SUPT3H: variants seen among roughly 807,000 people sequenced by gnomAD.
SUPT3H encodes transcription initiation protein SPT3 homolog.
SUPT3H carries 44 observed loss-of-function variants against 44.3 expected under a neutral mutation model. That is an observed-to-expected ratio of 0.99 (90% confidence interval 0.78 to 1.28). SUPT3H has a LOEUF of 1.28. Among genes scored for constraint, SUPT3H ranks in the 50% most tolerant of loss-of-function variants. The pLI is 0.00. For synonymous variants in SUPT3H, 124 were observed against 125.6 expected (o/e 0.99, Z 0.09); for missense variants, 380 against 387.1 (o/e 0.98, Z 0.15).
At chr6:44,993,562 T>C (rs16873019) in intron 6 of SUPT3H, among the ~76,000 whole-genome samples, 10,091 of 152,132 alleles carry the variant, frequency 0.066, 1,128 homozygotes, top group African/African-American at 0.23. Context: ...AATTTGATAG[T>C]ATAAAAAGTC....
chr6:45,085,353 G>A (rs958961694), intron 3 of SUPT3H, among the ~76,000 whole-genome samples: 4 of 152,014 alleles, frequency 2.6e-5, no homozygotes, highest in African/African-American at 9.7e-5. Flanking sequence ...CAACATAAAT[G>A]TGTGTGACAT....
intron 2 of SUPT3H, among the ~76,000 whole-genome samples, chr6:45,209,202 C>T (rs1331680783): frequency 1.3e-5 from 2 of 152,158 alleles, no homozygotes; most frequent in Non-Finnish European, 2.9e-5. Flanking sequence ...TTCATGCCTG[C>T]TAGCACAACA....
rs1768138498 is a variant in SUPT3H, at chr6:44,829,009, T to G, written c.*807A>C. ...GAAATTACCCAGCCCACATTTCCAG[T>G]CTAGGTGTGGTAGTGCTTTGAAGGG... On this transcript the variant is annotated 3_prime_UTR_variant, in exon 11 of 11. Coordinates refer to ENST00000371459, the MANE Select transcript of SUPT3H (RefSeq NM_003599.4). The G allele has an allele frequency of 6.6e-6, 1 of 152,522 alleles. No homozygotes were observed. The highest frequency in any genetic ancestry group is 1.5e-5 in the Non-Finnish European group (1 of 68,018). 9.4% of individuals were successfully genotyped at this position (152,522 alleles called of 1,614,324 possible). A position where few individuals can be genotyped will look rare whatever the true frequency, so the allele number is the denominator to read the frequency against.
chr6:45,031,350 T>C (rs748760478), intron 3 of SUPT3H, among the ~76,000 whole-genome samples: 3 of 152,210 alleles, frequency 2.0e-5, no homozygotes, highest in South Asian at 4.1e-4. Context: ...TTAATTATAA[T>C]ACATATTTGT....
intron 2 of SUPT3H, among the ~76,000 whole-genome samples, chr6:45,153,630 G>A (rs1357726557): frequency 6.6e-6 from 1 of 152,162 alleles, no homozygotes; most frequent in Non-Finnish European, 1.5e-5. Context: ...CAACACTTAG[G>A]GAGCCCGAGG....
At chr6:45,364,785 AC>A (rs1439811044) in intron 2 of SUPT3H, among the ~76,000 whole-genome samples, 1 of 152,212 alleles carries the variant, frequency 6.6e-6, no homozygotes, top group Non-Finnish European at 1.5e-5. Flanking sequence ...AATTAGGCTT[AC>A]TGAATTATTA....
chr6:45,210,214 T>C (rs1457367874), intron 2 of SUPT3H, among the ~76,000 whole-genome samples: 1 of 152,154 alleles, frequency 6.6e-6, no homozygotes, highest in Non-Finnish European at 1.5e-5. Context: ...ATCCATTTTA[T>C]TCCTAAATAA....
intron 10 of SUPT3H, among the ~76,000 whole-genome samples, chr6:44,852,055 A>G (rs1003847518): frequency 6.6e-6 from 1 of 152,178 alleles, no homozygotes; most frequent in African/African-American, 2.4e-5. Flanking sequence ...TAGAGGACCA[A>G]TTCGTGGTAA....
intron 6 of SUPT3H, among the ~76,000 whole-genome samples, chr6:44,962,812 G>C (rs1451591990): frequency 6.6e-6 from 1 of 152,062 alleles, no homozygotes; most frequent in African/African-American, 2.4e-5. Flanking sequence ...TGGGGCAGTA[G>C]GAGTTAAGGT....
At chr6:45,019,071 C>T (rs1482228733) in intron 4 of SUPT3H, among the ~76,000 whole-genome samples, 2 of 152,114 alleles carry the variant, frequency 1.3e-5, no homozygotes, top group Non-Finnish European at 1.5e-5. Flanking sequence ...CTGGTTTAGT[C>T]TTGGGAGAGT....
intron 2 of SUPT3H, among the ~76,000 whole-genome samples, chr6:45,331,255 T>C (rs773212352): frequency 3.9e-5 from 6 of 152,016 alleles, no homozygotes; most frequent in Non-Finnish European, 5.9e-5. Flanking sequence ...TTATCATAAA[T>C]ATAGCTTGCT....
intron 10 of SUPT3H, among the ~76,000 whole-genome samples, chr6:44,877,468 C>CAA (rs5875897): frequency 0.015 from 1,845 of 122,210 alleles, 35 homozygotes; most frequent in African/African-American, 0.039. Context: ...GACTCAGTCT[C>CAA]AAAAAAAAAA....
At chr6:45,123,976 G>A (rs1802044672) in intron 2 of SUPT3H, among the ~76,000 whole-genome samples, 1 of 152,102 alleles carries the variant, frequency 6.6e-6, no homozygotes, top group African/African-American at 2.4e-5. Context: ...TGGTTACACA[G>A]GCTGCTGAAC....
At chr6:45,018,917 G>C (rs1266062183) in intron 4 of SUPT3H, among the ~76,000 whole-genome samples, 2 of 152,084 alleles carry the variant, frequency 1.3e-5, no homozygotes, top group African/African-American at 4.8e-5. Context: ...GTTTCAGAAG[G>C]AATCGTACCA....
At chr6:45,371,394 C>CTT (rs560509544) in intron 1 of SUPT3H, among the ~76,000 whole-genome samples, 4,263 of 138,876 alleles carry the variant, frequency 0.031, 87 homozygotes, top group South Asian at 0.047. Context: ...TATTAGCTCA[C>CTT]TTTTTTTTTT....
intron 3 of SUPT3H, among the ~76,000 whole-genome samples, chr6:45,041,284 G>C (rs1409617192): frequency 6.6e-6 from 1 of 152,202 alleles, no homozygotes; most frequent in Non-Finnish European, 1.5e-5. Flanking sequence ...TGATGTCAAG[G>C]AATGCCTTTC....
intron 2 of SUPT3H, among the ~76,000 whole-genome samples, chr6:45,172,515 T>C (rs1358279788): frequency 6.6e-6 from 1 of 152,094 alleles, no homozygotes; most frequent in East Asian, 1.9e-4. Context: ...CAGTTGATGA[T>C]TTATGATTAA....
intron 6 of SUPT3H, among the ~76,000 whole-genome samples, chr6:44,991,677 C>T (rs554166595): frequency 9.9e-5 from 15 of 152,024 alleles, no homozygotes; most frequent in Admixed American, 6.6e-5. Flanking sequence ...AGAAAAAAAT[C>T]GAATTACATT....
intron 5 of SUPT3H, among the ~76,000 whole-genome samples, chr6:45,014,019 C>CA (rs1226934406): frequency 6.6e-6 from 1 of 151,760 alleles, no homozygotes; most frequent in South Asian, 2.1e-4. Flanking sequence ...ATGATTATTT[C>CA]AAAAAAAATT....
Sources: allele counts gnomAD v4.1 joint callset (sites outside exome capture counted in the v4.1 genomes callset), GRCh38; gene constraint gnomAD v4.1.1; transcripts MANE v1.5; gene names NCBI Gene and HGNC (gene_info 2026-07-23, HGNC 2026-07-21).